The following SIGLEC6 variants were observed in gnomAD, a reference collection of about 807,000 sequenced individuals.
The protein encoded by SIGLEC6 is sialic acid binding Ig like lectin 6.
In SIGLEC6, 31 loss-of-function variants were observed where a neutral mutation model predicts 41.4. That is an observed-to-expected ratio of 0.75 (90% CI 0.56 to 1.01). SIGLEC6 has a LOEUF of 1.01. SIGLEC6 is among the 50% of genes least tolerant of loss of function. The pLI is 0.00. For synonymous variants in SIGLEC6, 217 were observed against 231.0 expected (o/e 0.94, Z 0.55); for missense variants, 555 against 558.6 (o/e 0.99, Z 0.06).
At chr19:51,527,624 A>G in intron 7 of SIGLEC6, 123 bp downstream of exon 7, 1 of 752,270 alleles carries the variant, frequency 1.3e-6, no homozygotes, top group Non-Finnish European at 2.2e-6. Context: ...CAAAAATTTA[A>G]AATGTCACAT....
At chr19:51,520,348 T>C in intron 7 of SIGLEC6, 93 bp from the exon 8 acceptor site, 1 of 682,632 alleles carries the variant, frequency 1.5e-6, no homozygotes, top group Non-Finnish European at 2.2e-6. Flanking sequence ...TGATGGAACT[T>C]TATTATTTAT....
chr19:51,527,307 T>A (rs1238046072), intron 7 of SIGLEC6, among the ~76,000 whole-genome samples: 1 of 152,170 alleles, frequency 6.6e-6, no homozygotes, highest in Non-Finnish European at 1.5e-5. Context: ...CCTGTAATAT[T>A]GTAATAGTGA....
Position 51,531,535 on chromosome 19 carries a change from G to GGTC in SIGLEC6, c.68-19_68-17dup. ...GCCAGGGCCCCTATGGAGACATGAGGGTCAGCTCGGCCCAGCCCCACGGCA... is the reference window on the plus strand; with the variant it reads ...GCCAGGGCCCCTATGGAGACATGAGGGTCGTCAGCTCGGCCCAGCCCCACGGCA... On this transcript the variant is annotated splice_polypyrimidine_tract_variant and intron_variant, in intron 1 of 7. Coordinates refer to ENST00000425629, the MANE Select transcript of SIGLEC6 (RefSeq NM_001245.7). 6.2e-7 allele frequency: 1 copy of GGTC among 1,613,862 alleles called. No individual in the cohort carries two copies. Among genetic ancestry groups the GGTC allele is most frequent in the Non-Finnish European group, 8.5e-7 (1 of 1,179,908 alleles).
rs372239624 is a variant in SIGLEC6, at chr19:51,531,194, A to G, written c.393T>C (p.Gly131=). 5.0e-6 allele frequency: 8 copies of G among 1,605,590 alleles called. No homozygotes were observed. The African/African-American group carries it at 8.0e-5, about 16-fold the overall frequency. ...GCACAGAGAGCTTGGAAGATGTATA[A>G]CCGTATTTCATCCATTTGGACTTCA... ...FRLKSKWMKY[G]YTSSKLSVRV... Residue 131 remains glycine, a synonymous_variant, in exon 2 of 8, where the codon GGT becomes GGC. Transcript: ENST00000425629.
At chr19:51,521,189 G>T (rs956531113) in intron 7 of SIGLEC6, among the ~76,000 whole-genome samples, 1 of 152,174 alleles carries the variant, frequency 6.6e-6, no homozygotes, top group African/African-American at 2.4e-5. Flanking sequence ...CTGAAAACTT[G>T]AAAGTAAAGC....
At chr19:51,523,795 T>C (rs964194559) in intron 7 of SIGLEC6, among the ~76,000 whole-genome samples, 1 of 152,206 alleles carries the variant, frequency 6.6e-6, no homozygotes, top group African/African-American at 2.4e-5. Flanking sequence ...CTGAGGCAGG[T>C]GGATCACGAG....
Position 51,528,181 on chromosome 19 carries a change from A to C in SIGLEC6, c.1085T>G (p.Leu362Arg). The change falls in exon 6 of 8, where the codon CTC becomes CGC. Residue 362 changes from leucine (L) to arginine (R), a missense_variant. Coordinates refer to ENST00000425629, the MANE Select transcript of SIGLEC6 (RefSeq NM_001245.7). ...TCACCTGAAGATGAAGCAAACACAG[A>C]GGAAAACCAGGGTTGTGATGCTAGC... is the stretch of plus-strand genomic sequence containing the variant. ...WGASITTLVFLCVCFIFRVKT... is the reference protein window; with the variant it reads ...WGASITTLVFRCVCFIFRVKT... The C allele has an allele frequency of 6.2e-7, 1 of 1,614,124 alleles. No individual in the cohort carries two copies. The highest frequency in any genetic ancestry group is 2.2e-5 in the East Asian group (1 of 44,876).
Position 51,531,238 on chromosome 19 carries a change from C to T in SIGLEC6, c.349G>A (p.Ala117Thr), listed in dbSNP as rs1211045119. ...GACTTCAACCGAAAGAAGTATGCAG[C>T]ATTGTCCCTCCTCCGGGCATCTCTG... The part of the protein sequence containing the change: ...SIRDARRRDN[A>T]AYFFRLKSKW... The change falls in exon 2 of 8, where the codon GCT becomes ACT. Residue 117 changes from alanine to threonine, a missense_variant. Ala to Thr is a moderately conservative substitution (Grantham distance 58). Coordinates refer to ENST00000425629, the MANE Select transcript of SIGLEC6 (RefSeq NM_001245.7). 2 of 1,613,944 alleles carry T rather than the reference C, an allele frequency of 1.2e-6. No homozygotes were observed. Among genetic ancestry groups the T allele is most frequent in the Middle Eastern group, 1.7e-4 (1 of 6,058 alleles).
At chr19:51,520,358 T>C in intron 7 of SIGLEC6, 103 bp from the exon 8 acceptor site, 1 of 613,316 alleles carries the variant, frequency 1.6e-6, no homozygotes, top group South Asian at 5.5e-5. Flanking sequence ...TTATTATTTA[T>C]CCATTCATTT....
intron 5 of SIGLEC6, among the ~76,000 whole-genome samples, chr19:51,528,653 A>G (rs1257445120): frequency 6.6e-6 from 1 of 152,150 alleles, no homozygotes; most frequent in African/African-American, 2.4e-5. Context: ...GATCAGGGTG[A>G]GCCCTAATCC....
chr19:51,529,523 C>G, intron 5 of SIGLEC6: 1 of 646,846 alleles, frequency 1.5e-6, no homozygotes, highest in East Asian at 2.8e-5. Context: ...GTTCCCATCC[C>G]TCCAGAATCT....
Position 51,530,428 on chromosome 19 carries a change from G to C in SIGLEC6, c.754+9C>G, listed in dbSNP as rs756125778. On this transcript the variant is annotated intron_variant, in intron 4 of 7. Transcript: ENST00000425629. ...GGCCCTGGAGAGAACAGGACTGGCTGGTTCCTACCTGCGCTGTTTCCTTGG... is the reference window on the plus strand; with the variant it reads ...GGCCCTGGAGAGAACAGGACTGGCTCGTTCCTACCTGCGCTGTTTCCTTGG... 6.2e-7 allele frequency: 1 copy of C among 1,613,588 alleles called. No homozygotes were observed. The highest frequency in any genetic ancestry group is 1.1e-5 in the South Asian group (1 of 91,058).
chr19:51,530,023 G>A (rs763231627), intron 4 of SIGLEC6, 42 bp from the exon 5 acceptor site: 30 of 1,536,380 alleles, frequency 2.0e-5, no homozygotes, highest in Non-Finnish European at 2.6e-5. Flanking sequence ...TGGGGTATAG[G>A]GGCAAAGCAC....
chr19:51,522,118 A>T (rs1978374392), intron 7 of SIGLEC6, among the ~76,000 whole-genome samples: 1 of 152,254 alleles, frequency 6.6e-6, no homozygotes, highest in African/African-American at 2.4e-5. Flanking sequence ...CTGAATACTA[A>T]GCTGTATGCA....
intron 5 of SIGLEC6, among the ~76,000 whole-genome samples, chr19:51,528,726 T>A (rs1369085381): frequency 6.6e-6 from 1 of 152,048 alleles, no homozygotes; most frequent in East Asian, 1.9e-4. Context: ...TTCACACCTG[T>A]AATCCCATCA....
intron 3 of SIGLEC6, 47 bp from the exon 4 acceptor site, chr19:51,530,531 G>T: frequency 1.9e-6 from 3 of 1,611,976 alleles, no homozygotes; most frequent in Non-Finnish European, 2.5e-6. Flanking sequence ...AGGAGGGATG[G>T]TAGGCATGGG....
chr19:51,531,552 C>T (rs1980404073), intron 1 of SIGLEC6, 30 bp downstream of exon 1: 1 of 1,613,856 alleles, frequency 6.2e-7, no homozygotes, highest in African/African-American at 1.3e-5. Context: ...TCGGCCCAGC[C>T]CCACGGCACC....
At chr19:51,530,123 C>A (rs1979999892) in intron 4 of SIGLEC6, 142 bp from the exon 5 acceptor site, 11 of 1,095,500 alleles carry the variant, frequency 1.0e-5, no homozygotes, top group Admixed American at 2.6e-5. Flanking sequence ...AAGCCCAGAC[C>A]ATTTCCCTGG....
chr19:51,518,914 G>C lies in SIGLEC6; in HGVS notation c.*1168C>G, dbSNP rs561927118. On this transcript the variant is annotated 3_prime_UTR_variant, in exon 8 of 8. Coordinates refer to ENST00000425629, the MANE Select transcript of SIGLEC6 (RefSeq NM_001245.7). ...GGGAGTCGTGAAGAGTTCTGAACAG[G>C]GGGTGACACAGACACCTGGTGCTGT... 3.2e-4 allele frequency among the ~76,000 whole-genome samples: 48 copies of C among 152,246 alleles called. No homozygotes were observed. The highest frequency in any genetic ancestry group is 5.3e-4 in the African/African-American group (22 of 41,546).
Sources: gnomAD v4.1 joint callset for allele counts (sites outside exome capture counted in the v4.1 genomes callset) on GRCh38, gnomAD v4.1.1 for gene constraint, MANE v1.5 for transcripts, NCBI Gene and HGNC (gene_info 2026-07-23, HGNC 2026-07-21) for gene names.